EIPR1: variants seen among roughly 807,000 people sequenced by gnomAD.
EIPR1 encodes EARP and GARP complex-interacting protein 1.
EIPR1 carries 25 observed loss-of-function variants against 48.1 expected under a neutral mutation model. The observed-to-expected ratio is 0.52, with a 90% CI of 0.38 to 0.73. EIPR1 has a LOEUF of 0.73. Ranked by LOEUF, EIPR1 falls within the 30% of genes least tolerant of loss-of-function variation. EIPR1 has a pLI of 0.00. For missense variants in EIPR1, 415 were observed against 506.2 expected, an observed-to-expected ratio of 0.82 and a Z score of 1.73; for synonymous variants, 204 against 201.9, an observed-to-expected ratio of 1.01 and a Z score of -0.09.
intron 4 of EIPR1, among the ~76,000 whole-genome samples, chr2:3,243,766 C>T (rs1411113140): frequency 6.6e-6 from 1 of 152,210 alleles, no homozygotes; most frequent in Admixed American, 6.5e-5. Context: ...CTCCATTCCT[C>T]AAAACCCTAT....
intron 2 of EIPR1, among the ~76,000 whole-genome samples, chr2:3,338,624 C>A (rs540557766): frequency 1.4e-4 from 22 of 152,288 alleles, no homozygotes; most frequent in Admixed American, 1.3e-3. Flanking sequence ...GTGGGCAGAA[C>A]TCGACTCATA....
rs193025862 is a variant in EIPR1 at position 3,218,223 on chromosome 2, C to T, written c.417-3975G>A. ...TAGAGCTTTCACAGTGAGTCAGGTG[C>T]ACACTCAACACGACCCTGATATGCT... On this transcript the variant is annotated intron_variant, in intron 4 of 8. Transcript: ENST00000382125. 6.9e-3 allele frequency among the ~76,000 whole-genome samples: 1,029 copies of T among 149,050 alleles called. 9 individuals carry two copies. Among genetic ancestry groups the T allele is most frequent in the African/African-American group, 0.025 (992 of 40,216 alleles).
At chr2:3,304,865 TC>T (rs1668876428) in intron 3 of EIPR1, among the ~76,000 whole-genome samples, 5 of 83,636 alleles carry the variant, frequency 6.0e-5, no homozygotes, top group South Asian at 7.3e-4. Flanking sequence ...TCCACTGCCA[TC>T]CAGTTCAGCC....
intron 4 of EIPR1, among the ~76,000 whole-genome samples, chr2:3,229,739 C>T (rs759798005): frequency 4.6e-5 from 7 of 152,128 alleles, no homozygotes; most frequent in South Asian, 4.1e-4. Flanking sequence ...TTGCTTTATG[C>T]GGTGCTTTTC....
intron 3 of EIPR1, among the ~76,000 whole-genome samples, chr2:3,264,564 T>C (rs1667430195): frequency 6.6e-6 from 1 of 152,054 alleles, no homozygotes; most frequent in Non-Finnish European, 1.5e-5. Flanking sequence ...GCAGGACAGA[T>C]GAAAAAAGGG....
chr2:3,377,626 TGCC>T lies in EIPR1; in HGVS notation c.42+19_42+21del. 2 of 1,564,472 alleles carry T rather than the reference TGCC, an allele frequency of 1.3e-6. No individual in the cohort carries two copies. The highest frequency in any genetic ancestry group is 1.7e-6 in the Non-Finnish European group (2 of 1,153,996). On this transcript the variant is annotated intron_variant, in intron 1 of 8. Coordinates refer to ENST00000382125, the MANE Select transcript of EIPR1 (RefSeq NM_003310.5). Reference sequence around the variant, plus strand: ...ATCAACAGCCAGGCCGAGCAGCACCTGCCGCCCTCCCAGTGACCCACCTGGAAC... The same window carrying T: ...ATCAACAGCCAGGCCGAGCAGCACCTGCCCTCCCAGTGACCCACCTGGAAC...
chr2:3,246,769 G>GAGGGAGAA (rs1480404201), intron 4 of EIPR1, among the ~76,000 whole-genome samples: 1 of 138,740 alleles, frequency 7.2e-6, no homozygotes, highest in Non-Finnish European at 1.6e-5. Flanking sequence ...GGGAGGAAGG[G>GAGGGAGAA]AGGGAGAAAG....
At chr2:3,239,935 A>G (rs1251131630) in intron 4 of EIPR1, among the ~76,000 whole-genome samples, 3 of 152,214 alleles carry the variant, frequency 2.0e-5, no homozygotes, top group Admixed American at 2.0e-4. Context: ...AAACTAGAAC[A>G]CTGGGCAAAG....
At chr2:3,237,265 CACACA>C (rs1558242455) in intron 4 of EIPR1, among the ~76,000 whole-genome samples, 9 of 148,878 alleles carry the variant, frequency 6.0e-5, no homozygotes, top group African/African-American at 1.7e-4. Context: ...CACACACACA[CACACA>C]CCATACATAT....
At chr2:3,220,555 G>A (rs1311503429) in intron 4 of EIPR1, among the ~76,000 whole-genome samples, 1 of 151,928 alleles carries the variant, frequency 6.6e-6, no homozygotes, top group Admixed American at 6.5e-5. Flanking sequence ...ACACTCTAGA[G>A]CATTCACAGT....
chr2:3,224,964 C>T lies in EIPR1; in HGVS notation c.417-10716G>A, dbSNP rs58181639. On this transcript the variant is annotated intron_variant, in intron 4 of 8. Coordinates refer to ENST00000382125, the MANE Select transcript of EIPR1 (RefSeq NM_003310.5). ...ATGAAGCCACATCAGGGTGCCGGGG[C>T]CAGCACGAGGCTGGAGTGAAGCACA... is the stretch of plus-strand genomic sequence containing the variant. 7.4e-3 allele frequency among the ~76,000 whole-genome samples: 1,121 copies of T among 152,298 alleles called. 14 individuals are homozygous for T. The highest frequency in any genetic ancestry group is 0.026 in the African/African-American group (1,083 of 41,540).
chr2:3,354,682 T>C (rs2103375956), intron 1 of EIPR1, 49 bp from the exon 2 acceptor site: 2 of 1,494,510 alleles, frequency 1.3e-6, no homozygotes, highest in East Asian at 2.3e-5. Context: ...TTAGATTTAA[T>C]AGAGATTATG....
At chr2:3,205,526 A>G (rs1665199786) in intron 5 of EIPR1, among the ~76,000 whole-genome samples, 1 of 152,234 alleles carries the variant, frequency 6.6e-6, no homozygotes, top group Non-Finnish European at 1.5e-5. Context: ...GAGACACTGA[A>G]TCACTTTATT....
chr2:3,246,557 T>C lies in EIPR1; in HGVS notation c.416+10742A>G, dbSNP rs1319342243. On this transcript the variant is annotated intron_variant, in intron 4 of 8. Transcript: ENST00000382125. ...CTGTGATATTTACCTCCATCTACAC[T>C]GAGGGGATTGTCTTCCCCCAGAAAC... Among the ~76,000 whole-genome samples, 4 of 152,246 alleles carry C rather than the reference T, an allele frequency of 2.6e-5. No individual in the cohort carries two copies. The South Asian group carries it at 6.2e-4, about 24-fold the overall frequency.
intron 4 of EIPR1, among the ~76,000 whole-genome samples, chr2:3,233,816 A>G (rs1357501919): frequency 1.3e-5 from 2 of 152,240 alleles, no homozygotes; most frequent in Admixed American, 1.3e-4. Context: ...TGGGTGAAGA[A>G]TTACAGCAAT....
chr2:3,321,064 G>C (rs1300959125), intron 3 of EIPR1, among the ~76,000 whole-genome samples: 1 of 152,198 alleles, frequency 6.6e-6, no homozygotes, highest in Non-Finnish European at 1.5e-5. Flanking sequence ...GAACAGGGCA[G>C]GAGGCTCCAC....
In EIPR1 at chr2:3,192,690, C is replaced by A. The variant is rs1380057320; in HGVS notation, c.822-109G>T. On this transcript the variant is annotated intron_variant, in intron 7 of 8. Transcript: ENST00000382125. Reference sequence around the variant, plus strand: ...ACTAGGCTGGGGCTCACGTTAGGCACTGCCAGGCAATCGGCCCCCAGTCAC... The same window carrying A: ...ACTAGGCTGGGGCTCACGTTAGGCAATGCCAGGCAATCGGCCCCCAGTCAC... The A allele has an allele frequency of 2.6e-6, 3 of 1,143,030 alleles. No individual in the cohort carries two copies. The East Asian group carries it at 7.6e-5, about 29-fold the overall frequency. 70.8% of individuals were successfully genotyped at this position (1,143,030 alleles called of 1,614,324 possible).
chr2:3,337,933 G>A (rs773882832), intron 3 of EIPR1, 84 bp downstream of exon 3: 19 of 1,435,442 alleles, frequency 1.3e-5, no homozygotes, highest in African/African-American at 4.3e-5. Flanking sequence ...GTCATGTGTC[G>A]ACCCATTAGC....
At chr2:3,311,464 T>G (rs2103309471) in intron 3 of EIPR1, among the ~76,000 whole-genome samples, 1 of 152,282 alleles carries the variant, frequency 6.6e-6, no homozygotes. Context: ...AGGACTTGCT[T>G]TTTTCACACT....
Sources: gnomAD v4.1 joint callset for allele counts (sites outside exome capture counted in the v4.1 genomes callset) on GRCh38, gnomAD v4.1.1 for gene constraint, MANE v1.5 for transcripts, NCBI Gene and HGNC (gene_info 2026-07-23, HGNC 2026-07-21) for gene names.